RNF150: variants seen among roughly 807,000 people sequenced by gnomAD.
The protein encoded by RNF150 is ring finger protein 150.
Under a neutral mutation model 39.3 loss-of-function variants are expected in RNF150, and 24 were observed. The observed-to-expected ratio is 0.61, with a 90% CI of 0.44 to 0.86. The LOEUF is 0.86. Among genes scored for constraint, RNF150 ranks in the 40% least tolerant of loss-of-function variants. The pLI is 0.00. For missense variants in RNF150, 502 were observed against 587.8 expected (o/e 0.85, Z 1.51); for synonymous variants, 255 against 227.3 (o/e 1.12, Z -1.10).
intron 2 of RNF150, among the ~76,000 whole-genome samples, chr4:140,951,429 G>A (rs927742774): frequency 4.6e-5 from 7 of 151,930 alleles, no homozygotes; most frequent in African/African-American, 7.3e-5. Context: ...ACATGTGTGC[G>A]CATACACACA....
intron 4 of RNF150, among the ~76,000 whole-genome samples, chr4:140,942,423 TC>T (rs1383401595): frequency 6.6e-6 from 1 of 152,218 alleles, no homozygotes; most frequent in East Asian, 1.9e-4. Flanking sequence ...GCAACGCTTT[TC>T]CACAAGAACT....
In RNF150 at chr4:141,049,360, T is replaced by C. The variant is rs77630984; in HGVS notation, c.485-81487A>G. 3.0e-4 allele frequency among the ~76,000 whole-genome samples: 45 copies of C among 150,728 alleles called. No individual in the cohort carries two copies. In the East Asian group the frequency reaches 8.6e-3, roughly 29 times the overall value. ...AGAGGAAAATGGTAAAAAATAGAGCTAGAGGAACAATAAAATTAATGTCAA... is the reference window on the plus strand; with the variant it reads ...AGAGGAAAATGGTAAAAAATAGAGCCAGAGGAACAATAAAATTAATGTCAA... On this transcript the variant is annotated intron_variant, in intron 1 of 6. Coordinates refer to ENST00000515673, the MANE Select transcript of RNF150 (RefSeq NM_020724.2).
At position 140,967,605 on chromosome 4, in the gene RNF150, T is replaced by A. The variant is rs184937442; in HGVS notation, c.735+18A>T. The A allele has an allele frequency of 9.6e-6, 15 of 1,569,822 alleles. No homozygotes were observed. In the East Asian group the frequency reaches 3.2e-4, roughly 33 times the overall value. Reference sequence around the variant, plus strand: ...TTTGTAACAATTTTTAAAAGTTTTTTAACTTTTTGCTACTCACCTGGTTCC... The same window carrying A: ...TTTGTAACAATTTTTAAAAGTTTTTAAACTTTTTGCTACTCACCTGGTTCC... On this transcript the variant is annotated intron_variant, in intron 2 of 6. Transcript: ENST00000515673.
chr4:140,958,461 T>C (rs1732873972), intron 2 of RNF150, among the ~76,000 whole-genome samples: 1 of 152,130 alleles, frequency 6.6e-6, no homozygotes, highest in African/African-American at 2.4e-5. Flanking sequence ...CTTCGTCTGG[T>C]GGAAAACACT....
upstream of RNF150, among the ~76,000 whole-genome samples, chr4:141,137,652 A>T (rs1033855084): frequency 1.3e-5 from 2 of 152,194 alleles, no homozygotes; most frequent in Non-Finnish European, 1.5e-5. Context: ...CCAAAATGGC[A>T]ATTTCATGCA....
chr4:140,979,729 A>C (rs1039825609), intron 1 of RNF150, among the ~76,000 whole-genome samples: 1 of 152,070 alleles, frequency 6.6e-6, no homozygotes, highest in Non-Finnish European at 1.5e-5. Flanking sequence ...GACCTCTGAA[A>C]ACAGCTGGGG....
At chr4:140,953,715 C>T (rs537547517) in intron 2 of RNF150, among the ~76,000 whole-genome samples, 105 of 151,690 alleles carry the variant, frequency 6.9e-4, no homozygotes, top group African/African-American at 2.5e-3. Context: ...AAAAAAAGTA[C>T]CACTTTCAAT....
chr4:141,167,744 A>G (rs1727628380), intron 1 of RNF150, among the ~76,000 whole-genome samples: 1 of 152,244 alleles, frequency 6.6e-6, no homozygotes. Context: ...AGCCATATGC[A>G]GAAAACTAAA....
intron 2 of RNF150, among the ~76,000 whole-genome samples, chr4:140,957,144 G>A (rs1383758520): frequency 2.0e-5 from 3 of 151,334 alleles, no homozygotes; most frequent in Non-Finnish European, 3.0e-5. Context: ...GAAAATTTTC[G>A]CAACCTACTC....
chr4:141,027,654 C>A (rs566683545), intron 1 of RNF150, among the ~76,000 whole-genome samples: 97 of 152,250 alleles, frequency 6.4e-4, no homozygotes, highest in African/African-American at 2.3e-3. Context: ...GTTGCATCTT[C>A]CCTCTCTTTT....
At chr4:141,079,331 AAACT>A (rs1336180495) in intron 1 of RNF150, among the ~76,000 whole-genome samples, 1 of 152,202 alleles carries the variant, frequency 6.6e-6, no homozygotes, top group Non-Finnish European at 1.5e-5. Flanking sequence ...TAGGCCATTA[AAACT>A]CCTAAGAAGG....
chr4:140,966,160 A>T (rs962123125), intron 2 of RNF150, among the ~76,000 whole-genome samples: 1 of 151,866 alleles, frequency 6.6e-6, no homozygotes, highest in African/African-American at 2.4e-5. Context: ...CATAGTGAAA[A>T]CCCACCTCTA....
chr4:141,185,708 A>G (rs1427560234), intron 1 of RNF150, among the ~76,000 whole-genome samples: 3 of 152,214 alleles, frequency 2.0e-5, no homozygotes, highest in African/African-American at 7.2e-5. Context: ...TGTTCCATAA[A>G]TACCTAGTTT....
chr4:141,140,610 GATC>G (rs1325626734), intron 1 of RNF150, among the ~76,000 whole-genome samples: 1 of 151,886 alleles, frequency 6.6e-6, no homozygotes, highest in African/African-American at 2.4e-5. Flanking sequence ...CTCTTTGAAA[GATC>G]ATCTTGTCCT....
Position 141,070,380 on chromosome 4 carries a change from T to C in RNF150, c.484+61945A>G, listed in dbSNP as rs531535098. Among the ~76,000 whole-genome samples, 1,326 of 149,338 alleles carry C rather than the reference T, an allele frequency of 8.9e-3. 16 individuals are homozygous for C. The highest frequency in any genetic ancestry group is 0.031 in the African/African-American group (1,271 of 40,964). ...GGCAACAAAAGCCAAAATTGACAAA[T>C]GGGATCTAATTAAACTAAAGAGCTT... On this transcript the variant is annotated intron_variant, in intron 1 of 6. Transcript: ENST00000515673.
intron 1 of RNF150, among the ~76,000 whole-genome samples, chr4:141,180,991 T>C (rs1836552): frequency 0.48 from 72,856 of 152,036 alleles, 18,020 homozygotes; most frequent in East Asian, 0.81. Context: ...ATATTTATTA[T>C]TCTTTGAAAA....
chr4:140,969,917 T>C (rs1308653769), intron 1 of RNF150, among the ~76,000 whole-genome samples: 1 of 151,878 alleles, frequency 6.6e-6, no homozygotes, highest in Admixed American at 6.6e-5. Context: ...GTATGCGCCA[T>C]CATGCCTTGC....
At chr4:141,041,409 T>TA (rs1736367742) in intron 1 of RNF150, among the ~76,000 whole-genome samples, 1 of 151,944 alleles carries the variant, frequency 6.6e-6, no homozygotes, top group Non-Finnish European at 1.5e-5. Context: ...ATGGCAGAAA[T>TA]ACAACCATCC....
intron 1 of RNF150, among the ~76,000 whole-genome samples, chr4:141,146,806 A>G (rs1288208324): frequency 6.6e-6 from 1 of 152,174 alleles, no homozygotes; most frequent in Non-Finnish European, 1.5e-5. Context: ...CACTAAGAGA[A>G]GTATACAATC....
Sources: allele counts gnomAD v4.1 joint callset (sites outside exome capture counted in the v4.1 genomes callset), GRCh38; gene constraint gnomAD v4.1.1; transcripts MANE v1.5; gene names NCBI Gene and HGNC (gene_info 2026-07-23, HGNC 2026-07-21).